The following COL22A1 variants were observed in gnomAD, a reference collection of about 807,000 sequenced individuals.
COL22A1 encodes collagen type XXII alpha 1 chain, also known as collagen alpha-1(XXII) chain.
In COL22A1, 221 loss-of-function variants were observed where a neutral mutation model predicts 248.9. The observed-to-expected ratio is 0.89, with a 90% CI of 0.80 to 0.99. The LOEUF is 0.99. Among genes scored for constraint, COL22A1 ranks in the 50% least tolerant of loss-of-function variants. The probability of loss-of-function intolerance (pLI) is 0.00; values close to 1 mark genes in which losing one functional copy is unlikely to be tolerated. For synonymous variants in COL22A1, 891 were observed against 793.4 expected (o/e 1.12, Z -2.07); for missense variants, 2,240 against 2,179.0 (o/e 1.03, Z -0.56).
intron 1 of COL22A1, among the ~76,000 whole-genome samples, chr8:138,900,434 A>G (rs955955024): frequency 2.6e-5 from 4 of 152,242 alleles, no homozygotes; most frequent in Admixed American, 6.5e-5. Flanking sequence ...GGAGGAGGAG[A>G]CAGAAAAAGT....
At chr8:138,633,443 ACAGAT>A (rs1466281376) in intron 49 of COL22A1, among the ~76,000 whole-genome samples, 1 of 152,246 alleles carries the variant, frequency 6.6e-6, no homozygotes, top group East Asian at 1.9e-4. Flanking sequence ...TCCAGTGAGA[ACAGAT>A]CAGGATTTTG....
In COL22A1 at chr8:138,707,691, C is replaced by A. The variant is rs1172873189; in HGVS notation, c.2518-4344G>T. 2.0e-5 allele frequency among the ~76,000 whole-genome samples: 3 copies of A among 152,138 alleles called. No homozygotes were observed. The South Asian group carries it at 6.2e-4, about 32-fold the overall frequency. ...CACAACCAATATCATACTGAATGGG[C>A]AAAAACTGGAAGCACTCCCTTTGAA... On this transcript the variant is annotated intron_variant, in intron 30 of 64. Transcript: ENST00000303045.
At chr8:138,780,232 ACTCCCCTTT>A (rs967401015) in intron 13 of COL22A1, among the ~76,000 whole-genome samples, 1 of 151,796 alleles carries the variant, frequency 6.6e-6, no homozygotes, top group African/African-American at 2.4e-5. Flanking sequence ...GGTCCAAGTA[ACTCCCCTTT>A]CTCCCTTGTC....
intron 42 of COL22A1, among the ~76,000 whole-genome samples, chr8:138,662,845 G>A (rs1824089008): frequency 6.6e-6 from 1 of 152,218 alleles, no homozygotes; most frequent in African/African-American, 2.4e-5. Flanking sequence ...TATAAAAATG[G>A]GTATAAGGAG....
intron 6 of COL22A1, among the ~76,000 whole-genome samples, chr8:138,825,139 A>C (rs1365075081): frequency 6.6e-6 from 1 of 152,176 alleles, no homozygotes; most frequent in African/African-American, 2.4e-5. Context: ...GTGCAATTGG[A>C]GATGGAGTTG....
At chr8:138,725,055 C>T (rs1388394882) in intron 24 of COL22A1, among the ~76,000 whole-genome samples, 1 of 152,182 alleles carries the variant, frequency 6.6e-6, no homozygotes, top group Non-Finnish European at 1.5e-5. Context: ...AAATGCTTGC[C>T]CGGGTCCTCT....
At chr8:138,719,210 G>A (rs1004863138) in intron 27 of COL22A1, among the ~76,000 whole-genome samples, 3 of 151,748 alleles carry the variant, frequency 2.0e-5, no homozygotes, top group Non-Finnish European at 4.4e-5. Flanking sequence ...AAGACCATGT[G>A]ATTCACTCCC....
intron 12 of COL22A1, among the ~76,000 whole-genome samples, chr8:138,783,651 C>A (rs981551491): frequency 5.3e-5 from 8 of 152,146 alleles, no homozygotes; most frequent in Non-Finnish European, 7.4e-5. Flanking sequence ...TACTTTGTAT[C>A]CTTCAGTCCA....
intron 47 of COL22A1, among the ~76,000 whole-genome samples, chr8:138,643,353 G>T (rs186697343): frequency 6.6e-6 from 1 of 152,262 alleles, no homozygotes; most frequent in East Asian, 1.9e-4. Context: ...ACAGTCCACG[G>T]GTCATGATCG....
At chr8:138,755,904 T>G in intron 18 of COL22A1, 75 bp from the exon 19 acceptor site, 1 of 1,333,590 alleles carries the variant, frequency 7.5e-7, no homozygotes, top group South Asian at 1.2e-5. Context: ...CTCTGAGGCT[T>G]ATTCTTGTGG....
At chr8:138,693,611 C>T in intron 35 of COL22A1, 35 bp downstream of exon 35, 1 of 1,559,460 alleles carries the variant, frequency 6.4e-7, no homozygotes, top group Non-Finnish European at 8.7e-7. Flanking sequence ...CCCTCCGGGG[C>T]TCCCCCACGA....
At chr8:138,816,010 T>G (rs139635694) in intron 7 of COL22A1, among the ~76,000 whole-genome samples, 1,574 of 152,318 alleles carry the variant, frequency 0.01, 26 homozygotes, top group African/African-American at 0.034. Context: ...GTCTGTTTTA[T>G]TTCCTGTAGA....
At chr8:138,856,720 TGA>T (rs918016154) in intron 3 of COL22A1, among the ~76,000 whole-genome samples, 7 of 151,340 alleles carry the variant, frequency 4.6e-5, no homozygotes, top group African/African-American at 1.5e-4. Flanking sequence ...ACAGAGGCAG[TGA>T]GAGAGACAGA....
intron 1 of COL22A1, among the ~76,000 whole-genome samples, chr8:138,903,891 T>TG (rs1390320070): frequency 6.6e-6 from 1 of 151,996 alleles, no homozygotes; most frequent in Non-Finnish European, 1.5e-5. Flanking sequence ...CTGCTGAGTT[T>TG]GGGGGGCGCT....
Position 138,884,084 on chromosome 8 carries a change from G to A in COL22A1, c.-72-840C>T, listed in dbSNP as rs1392491995. ...ACACCTCCCTTTGCCCCCCTGGGAG[G>A]GCTTCCCTCTACCTAAAATCCCCAC... is the stretch of plus-strand genomic sequence containing the variant. On this transcript the variant is annotated intron_variant, in intron 1 of 64. Transcript: ENST00000303045. Among the ~76,000 whole-genome samples the A allele has an allele frequency of 3.3e-5, 5 of 152,168 alleles. No homozygotes were observed. The South Asian group carries it at 6.2e-4, about 19-fold the overall frequency.
In COL22A1 at chr8:138,688,928, G is replaced by A. The variant is rs201625988; in HGVS notation, c.2851C>T (p.Arg951Cys). The A allele has an allele frequency of 1.6e-5, 25 of 1,612,614 alleles. No homozygotes were observed. Among genetic ancestry groups the A allele is most frequent in the Middle Eastern group, 1.6e-4 (1 of 6,084 alleles). The change falls in exon 37 of 65, where the codon CGT (arginine) becomes TGT (cysteine). Residue 951 changes from arginine to cysteine, a missense_variant. Arg to Cys is a radical substitution (Grantham distance 180). Coordinates refer to ENST00000303045, the MANE Select transcript of COL22A1 (RefSeq NM_152888.3). ...LRGTPGKDGE[R>C]GEKGAAGEEG... The stretch of plus-strand genomic sequence containing the variant: ...CATATTGGTCTTACCTTCTCACCAC[G>A]CTCCCCATCTTTCCCTGGGGTGCCT...
chr8:138,663,853 A>C, intron 41 of COL22A1, 113 bp from the exon 42 acceptor site: 1 of 777,970 alleles, frequency 1.3e-6, no homozygotes, highest in South Asian at 1.5e-5. Flanking sequence ...GGAGTCACTA[A>C]CTTCCTCCCA....
rs2132024152 is a variant in COL22A1 at position 138,635,063 on chromosome 8, C to A, written c.3556G>T (p.Gly1186Cys). 2 of 1,606,082 alleles carry A rather than the reference C, an allele frequency of 1.2e-6. No individual in the cohort carries two copies. The highest frequency in any genetic ancestry group is 1.7e-6 in the Non-Finnish European group (2 of 1,175,798). Reference sequence around the variant, plus strand: ...ATGAAACCTGGAACTCCAGGATGACCCTAGGAAAACACAAGATGCAATTCT... The same window carrying A: ...ATGAAACCTGGAACTCCAGGATGACACTAGGAAAACACAAGATGCAATTCT... ...DGEVGQKGDQ[G>C]HPGVPGFMGP... The change falls in exon 49 of 65, where the codon GGT becomes TGT. Residue 1186 changes from glycine to cysteine, a missense_variant and splice_region_variant. Transcript: ENST00000303045.
intron 41 of COL22A1, among the ~76,000 whole-genome samples, chr8:138,674,795 G>C (rs1825374410): frequency 6.6e-6 from 1 of 152,232 alleles, no homozygotes; most frequent in African/African-American, 2.4e-5. Context: ...CTATGCTAAG[G>C]AGCGAGTGCC....
Sources: gnomAD v4.1 joint callset for allele counts (sites outside exome capture counted in the v4.1 genomes callset) on GRCh38, gnomAD v4.1.1 for gene constraint, MANE v1.5 for transcripts, NCBI Gene and HGNC (gene_info 2026-07-23, HGNC 2026-07-21) for gene names.